The following PEAK1 variants were observed in gnomAD, a reference collection of about 807,000 sequenced individuals.
The protein encoded by PEAK1 is pseudopodium enriched atypical kinase 1, also known as inactive tyrosine-protein kinase PEAK1.
In PEAK1, 54 loss-of-function variants were observed where a neutral mutation model predicts 124.7. The observed-to-expected ratio is 0.43, with a 90% CI of 0.35 to 0.54. The LOEUF (loss-of-function observed/expected upper bound fraction) is 0.54, where lower values mean the gene tolerates loss of function less well. Among genes scored for constraint, PEAK1 ranks in the 20% least tolerant of loss-of-function variants. PEAK1 has a pLI of 0.01. For synonymous variants in PEAK1, 719 were observed against 760.0 expected (o/e 0.95, Z 0.89); for missense variants, 2,046 against 2,134.5 (o/e 0.96, Z 0.82).
chr15:77,351,840 A>AGACAATT, intron 2 of PEAK1: 1 of 985,464 alleles, frequency 1.0e-6, no homozygotes, highest in Non-Finnish European at 1.2e-6. Context: ...TTTGAGTTTT[A>AGACAATT]GACAATTATT....
intron 1 of PEAK1, among the ~76,000 whole-genome samples, chr15:77,383,602 G>A (rs1387820093): frequency 2.0e-5 from 3 of 152,006 alleles, no homozygotes; most frequent in Non-Finnish European, 4.4e-5. Flanking sequence ...GAGCAAAAAC[G>A]CTACCCAAGG....
At chr15:77,163,005 G>A (rs572914242) in intron 7 of PEAK1, among the ~76,000 whole-genome samples, 21 of 152,236 alleles carry the variant, frequency 1.4e-4, no homozygotes, top group African/African-American at 5.1e-4. Context: ...GGAAGTTATG[G>A]TTTTTACATT....
intron 8 of PEAK1, among the ~76,000 whole-genome samples, chr15:77,149,790 C>A (rs1359504160): frequency 6.6e-6 from 1 of 151,912 alleles, no homozygotes; most frequent in African/African-American, 2.4e-5. Context: ...CCCTTTGTCA[C>A]CCAGGCTGCA....
chr15:77,187,318 G>A (rs1222206130), intron 6 of PEAK1, among the ~76,000 whole-genome samples: 2 of 152,120 alleles, frequency 1.3e-5, no homozygotes, highest in Non-Finnish European at 1.5e-5. Context: ...AGTCATGACA[G>A]CTTTTTAAGA....
intron 6 of PEAK1, among the ~76,000 whole-genome samples, chr15:77,182,474 G>A (rs1311023877): frequency 1.3e-5 from 2 of 152,160 alleles, no homozygotes; most frequent in East Asian, 1.9e-4. Context: ...GGGGCTGGGT[G>A]CAGTGGCTCA....
At chr15:77,417,449 G>T in intron 1 of PEAK1, 1 of 935,752 alleles carries the variant, frequency 1.1e-6, no homozygotes, top group South Asian at 5.0e-5. Context: ...TGGGGTGGGG[G>T]GATGCGGGGC....
chr15:77,294,843 T>G (rs2063403203), intron 2 of PEAK1, among the ~76,000 whole-genome samples: 1 of 152,168 alleles, frequency 6.6e-6, no homozygotes, highest in Non-Finnish European at 1.5e-5. Flanking sequence ...GAACTGATAT[T>G]TATACCTCAT....
At chr15:77,267,113 G>A (rs1392137876) in intron 5 of PEAK1, among the ~76,000 whole-genome samples, 2 of 152,076 alleles carry the variant, frequency 1.3e-5, no homozygotes, top group Non-Finnish European at 2.9e-5. Context: ...TGCAGCAGAG[G>A]CAGCCATAAT....
At chr15:77,301,303 C>G (rs187484186) in intron 2 of PEAK1, among the ~76,000 whole-genome samples, 2 of 152,246 alleles carry the variant, frequency 1.3e-5, no homozygotes, top group Admixed American at 1.3e-4. Context: ...CTGTTATCTT[C>G]TGTGTCTTAT....
intron 5 of PEAK1, among the ~76,000 whole-genome samples, chr15:77,259,953 G>A (rs189921868): frequency 1.3e-5 from 2 of 152,226 alleles, no homozygotes; most frequent in Non-Finnish European, 2.9e-5. Flanking sequence ...TCTGAATAAG[G>A]GTTCTCCTGA....
At chr15:77,414,290 G>C (rs1429994539) in intron 1 of PEAK1, among the ~76,000 whole-genome samples, 1 of 133,044 alleles carries the variant, frequency 7.5e-6, no homozygotes, top group Non-Finnish European at 1.6e-5. Context: ...GTTCACTGCA[G>C]ATTGAACCTC....
At chr15:77,313,075 G>A (rs565984397) in intron 2 of PEAK1, among the ~76,000 whole-genome samples, 1 of 152,068 alleles carries the variant, frequency 6.6e-6, no homozygotes, top group Non-Finnish European at 1.5e-5. Flanking sequence ...TAAAAGGAAG[G>A]CTCTTTGGCA....
intron 5 of PEAK1, among the ~76,000 whole-genome samples, chr15:77,261,261 A>G (rs963509085): frequency 2.6e-5 from 4 of 152,216 alleles, no homozygotes; most frequent in Non-Finnish European, 5.9e-5. Context: ...AATGGAACAA[A>G]GCCGGATGGA....
chr15:77,344,238 G>A (rs1033498707), intron 2 of PEAK1, among the ~76,000 whole-genome samples: 2 of 152,144 alleles, frequency 1.3e-5, no homozygotes, highest in Non-Finnish European at 2.9e-5. Flanking sequence ...GGGACTACAG[G>A]TGCCAGCCAC....
intron 6 of PEAK1, among the ~76,000 whole-genome samples, chr15:77,232,434 T>C (rs1449580896): frequency 6.6e-6 from 1 of 152,192 alleles, no homozygotes; most frequent in Admixed American, 6.5e-5. Flanking sequence ...TTTCTATATA[T>C]TTACCTTTCC....
At chr15:77,348,703 G>A (rs1033239493) in intron 2 of PEAK1, 64 of 985,220 alleles carry the variant, frequency 6.5e-5, no homozygotes, top group Middle Eastern at 5.2e-4. Flanking sequence ...TCTGACTCAC[G>A]GGAAAACCCA....
Position 77,115,322 on chromosome 15 carries a change from G to A in PEAK1, c.4078-3C>T. 1 of 1,608,718 alleles carries A rather than the reference G, an allele frequency of 6.2e-7. No individual in the cohort carries two copies. The highest frequency in any genetic ancestry group is 2.2e-5 in the East Asian group (1 of 44,750). Reference sequence around the variant, plus strand: ...TCTTTAGCTTTGCTCTTACAGATCTGAAAGATAATAAAACAATTCAAAACT... The same window carrying A: ...TCTTTAGCTTTGCTCTTACAGATCTAAAAGATAATAAAACAATTCAAAACT... On this transcript the variant is annotated splice_polypyrimidine_tract_variant and splice_region_variant and intron_variant, in intron 9 of 9. Coordinates refer to ENST00000682557, the MANE Select transcript of PEAK1 (RefSeq NM_001385026.1).
At chr15:77,238,691 G>A (rs766953361) in intron 6 of PEAK1, among the ~76,000 whole-genome samples, 1 of 151,510 alleles carries the variant, frequency 6.6e-6, no homozygotes, top group Non-Finnish European at 1.5e-5. Context: ...TGTGCCACCG[G>A]GTAGTTAAAA....
intron 6 of PEAK1, among the ~76,000 whole-genome samples, chr15:77,248,134 T>G (rs1378939593): frequency 6.6e-6 from 1 of 152,080 alleles, no homozygotes; most frequent in Non-Finnish European, 1.5e-5. Flanking sequence ...TGGCCTCAAG[T>G]GATCCTCTCA....
Sources: allele counts gnomAD v4.1 joint callset (sites outside exome capture counted in the v4.1 genomes callset), GRCh38; gene constraint gnomAD v4.1.1; transcripts MANE v1.5; gene names NCBI Gene and HGNC (gene_info 2026-07-23, HGNC 2026-07-21).